Variants in SDHAF3 observed in about 807,000 individuals in gnomAD.
The protein encoded by SDHAF3 is succinate dehydrogenase complex assembly factor 3, also known as succinate dehydrogenase assembly factor 3, mitochondrial.
Under a neutral mutation model 11.5 loss-of-function variants are expected in SDHAF3, and 18 were observed. The observed-to-expected ratio is 1.56, with a 90% confidence interval of 1.08 to 2.32. The LOEUF (loss-of-function observed/expected upper bound fraction) is 2.32. SDHAF3 is among the 30% of genes most tolerant of loss of function. The pLI is 0.00. For synonymous variants in SDHAF3, 72 were observed against 59.3 expected (o/e 1.21, Z -0.99); for missense variants, 200 against 154.4 (o/e 1.30, Z -1.57).
In SDHAF3 at chr7:97,181,374, T is replaced by C. The variant is rs919754603; in HGVS notation, c.*159T>C. On this transcript the variant is annotated 3_prime_UTR_variant, in exon 2 of 2. Transcript: ENST00000432641. ...ATTGCAGTATATGGATCAAGATCAC[T>C]AGTGACAATTGAAAAAAACTATTGG... 7.6e-6 allele frequency: 4 copies of C among 529,444 alleles called. No homozygotes were observed. In the South Asian group the frequency reaches 1.0e-4, roughly 14 times the overall value. The allele number at this position is 529,444 out of a possible 1,614,324, so 32.8% of individuals were successfully genotyped here.
chr7:97,154,397 T>A (rs1030624485), intron 1 of SDHAF3, among the ~76,000 whole-genome samples: 3 of 152,242 alleles, frequency 2.0e-5, no homozygotes, highest in African/African-American at 7.2e-5. Flanking sequence ...CTAGTGATGA[T>A]GAACATCTTG....
chr7:97,171,956 A>G (rs1789606673), intron 1 of SDHAF3, among the ~76,000 whole-genome samples: 1 of 152,168 alleles, frequency 6.6e-6, no homozygotes, highest in Non-Finnish European at 1.5e-5. Context: ...TTAAGGACAA[A>G]TGAAATACTG....
At chr7:97,149,343 CAA>C (rs1263042986) in intron 1 of SDHAF3, among the ~76,000 whole-genome samples, 1 of 152,002 alleles carries the variant, frequency 6.6e-6, no homozygotes, top group African/African-American at 2.4e-5. Flanking sequence ...GTTTTTCACT[CAA>C]GATACACTTT....
intron 1 of SDHAF3, among the ~76,000 whole-genome samples, chr7:97,175,941 T>G (rs1017704826): frequency 1.3e-5 from 2 of 152,150 alleles, no homozygotes; most frequent in Non-Finnish European, 2.9e-5. Flanking sequence ...AGGGAAGAAA[T>G]CCACATCTTT....
At chr7:97,118,156 A>T (rs1562817820) in intron 1 of SDHAF3, among the ~76,000 whole-genome samples, 1 of 152,172 alleles carries the variant, frequency 6.6e-6, no homozygotes, top group Non-Finnish European at 1.5e-5. Flanking sequence ...TGAGGGTAGG[A>T]GGTCACAAAA....
chr7:97,141,571 T>C (rs1279070008), intron 1 of SDHAF3, among the ~76,000 whole-genome samples: 1 of 152,166 alleles, frequency 6.6e-6, no homozygotes, highest in Non-Finnish European at 1.5e-5. Context: ...TCCCCCGATA[T>C]CTGGCGCCCG....
chr7:97,177,548 A>T (rs1356375613), intron 1 of SDHAF3, among the ~76,000 whole-genome samples: 1 of 152,242 alleles, frequency 6.6e-6, no homozygotes, highest in Non-Finnish European at 1.5e-5. Flanking sequence ...CTGCTAAGGC[A>T]GTAACCTCTT....
chr7:97,135,581 ATGTG>A (rs55801981), intron 1 of SDHAF3: 27,122 of 136,862 alleles, frequency 0.2, 2,916 homozygotes, highest in Non-Finnish European at 0.25. Context: ...TAGTCCCCAT[ATGTG>A]TGTGTGTGTG....
chr7:97,178,138 G>A (rs974488175), intron 1 of SDHAF3, among the ~76,000 whole-genome samples: 1 of 152,134 alleles, frequency 6.6e-6, no homozygotes, highest in Non-Finnish European at 1.5e-5. Flanking sequence ...GATATTTCAT[G>A]TAAGTGGAAT....
chr7:97,131,117 A>T (rs1443674755), intron 1 of SDHAF3, among the ~76,000 whole-genome samples: 1 of 152,224 alleles, frequency 6.6e-6, no homozygotes, highest in East Asian at 1.9e-4. Context: ...TTCTTAGTTT[A>T]TGAAGGTCTA....
chr7:97,138,167 A>ATTTT (rs11345197), intron 1 of SDHAF3, among the ~76,000 whole-genome samples: 1 of 134,354 alleles, frequency 7.4e-6, no homozygotes, highest in Non-Finnish European at 1.6e-5. Flanking sequence ...CCCCACTGGC[A>ATTTT]TTTTTTTTTT....
At chr7:97,133,073 T>G (rs1015473430) in intron 1 of SDHAF3, among the ~76,000 whole-genome samples, 2 of 152,196 alleles carry the variant, frequency 1.3e-5, no homozygotes, top group African/African-American at 2.4e-5. Flanking sequence ...GGAAACCTTT[T>G]CAGATATGTC....
At chr7:97,158,475 C>T (rs1789341685) in intron 1 of SDHAF3, among the ~76,000 whole-genome samples, 1 of 152,070 alleles carries the variant, frequency 6.6e-6, no homozygotes, top group Non-Finnish European at 1.5e-5. Flanking sequence ...TTACAGGTGC[C>T]TGCCACCACG....
intron 1 of SDHAF3, among the ~76,000 whole-genome samples, chr7:97,168,164 A>G (rs758842261): frequency 2.4e-4 from 37 of 152,100 alleles, no homozygotes; most frequent in Non-Finnish European, 3.7e-4. Context: ...TCACCCTTCA[A>G]CGTGTTCACG....
intron 1 of SDHAF3, among the ~76,000 whole-genome samples, chr7:97,119,142 ATG>A (rs1459013112): frequency 6.6e-6 from 1 of 152,212 alleles, no homozygotes; most frequent in Non-Finnish European, 1.5e-5. Context: ...ACGTATGTAA[ATG>A]TATTTACAAG....
intron 1 of SDHAF3, among the ~76,000 whole-genome samples, chr7:97,150,202 A>C (rs191636192): frequency 6.6e-6 from 1 of 152,328 alleles, no homozygotes; most frequent in Non-Finnish European, 1.5e-5. Context: ...AAAGTCATCC[A>C]TGAGGGTTGG....
chr7:97,145,458 A>G (rs1789121134), intron 1 of SDHAF3, among the ~76,000 whole-genome samples: 1 of 152,152 alleles, frequency 6.6e-6, no homozygotes, highest in Non-Finnish European at 1.5e-5. Flanking sequence ...ATACAATGTT[A>G]ATCCATTTTT....
At chr7:97,177,231 A>G (rs1315625692) in intron 1 of SDHAF3, among the ~76,000 whole-genome samples, 1 of 152,088 alleles carries the variant, frequency 6.6e-6, no homozygotes, top group Non-Finnish European at 1.5e-5. Flanking sequence ...GGCCAGGCAC[A>G]GTAGCTCAGG....
At chr7:97,127,964 T>C (rs1279775498) in intron 1 of SDHAF3, among the ~76,000 whole-genome samples, 1 of 145,744 alleles carries the variant, frequency 6.9e-6, no homozygotes, top group East Asian at 2.1e-4. Flanking sequence ...GCAGTGGCAC[T>C]GCGTCGGCTC....
Sources: gnomAD v4.1 joint callset for allele counts (sites outside exome capture counted in the v4.1 genomes callset) on GRCh38, gnomAD v4.1.1 for gene constraint, MANE v1.5 for transcripts, NCBI Gene and HGNC (gene_info 2026-07-23, HGNC 2026-07-21) for gene names.